The following GFRAL variants were observed in gnomAD, a reference collection of about 807,000 sequenced individuals.
The protein encoded by GFRAL is GDNF family receptor alpha like.
Under a neutral mutation model 45.4 loss-of-function variants are expected in GFRAL, and 36 were observed. The observed-to-expected ratio is 0.79, with a 90% confidence interval of 0.61 to 1.05. The LOEUF is 1.05. Among genes scored for constraint, GFRAL ranks in the 50% least tolerant of loss-of-function variants. The probability of loss-of-function intolerance (pLI) is 0.00; values close to 1 mark genes in which losing one functional copy is unlikely to be tolerated. For missense variants in GFRAL, 507 were observed against 467.5 expected (o/e 1.08, Z -0.78); for synonymous variants, 166 against 154.1 (o/e 1.08, Z -0.57).
At chr6:55,377,781 G>T (rs1225762699) in intron 6 of GFRAL, among the ~76,000 whole-genome samples, 1 of 151,970 alleles carries the variant, frequency 6.6e-6, no homozygotes, top group Non-Finnish European at 1.5e-5. Context: ...GATACTGAAA[G>T]ATCCAAAATT....
rs181036200 is a variant in GFRAL, at chr6:55,393,688, T to C, written c.953-5492T>C. Among the ~76,000 whole-genome samples, 21 of 152,156 alleles carry C rather than the reference T, an allele frequency of 1.4e-4. No individual in the cohort carries two copies. In the East Asian group the frequency reaches 3.9e-3, roughly 28 times the overall value. On this transcript the variant is annotated intron_variant, in intron 6 of 8. Transcript: ENST00000340465. ...GAGGCAAGGGGGGAGGAAAGAAGCC[T>C]CTTGGTGGCTGGAATGAAATGGGCA...
intron 6 of GFRAL, among the ~76,000 whole-genome samples, chr6:55,398,558 C>T (rs553452907): frequency 6.6e-6 from 1 of 152,274 alleles, no homozygotes; most frequent in South Asian, 2.1e-4. Context: ...AAAGATTGTC[C>T]TCACAGGGAA....
intron 5 of GFRAL, among the ~76,000 whole-genome samples, chr6:55,357,671 A>G (rs1014437685): frequency 2.6e-5 from 4 of 151,748 alleles, no homozygotes; most frequent in Admixed American, 1.3e-4. Flanking sequence ...GTCCATTTAC[A>G]TTTCAAATAA....
intron 3 of GFRAL, among the ~76,000 whole-genome samples, chr6:55,339,094 T>C (rs1767927646): frequency 6.6e-6 from 1 of 152,162 alleles, no homozygotes; most frequent in African/African-American, 2.4e-5. Context: ...TAATAAAATA[T>C]ATACTTAAGG....
At chr6:55,387,030 G>GA (rs1344893818) in intron 6 of GFRAL, among the ~76,000 whole-genome samples, 1 of 152,098 alleles carries the variant, frequency 6.6e-6, no homozygotes, top group Non-Finnish European at 1.5e-5. Context: ...TAAGGAAGGG[G>GA]AAAAATCCTT....
Position 55,347,786 on chromosome 6 carries a change from T to TGCTTCCATGGGTGATTCTTCTC in GFRAL, c.317-2305_317-2284dup, listed in dbSNP as rs1452259092. ...TATTACACTTTTCTATTTTTCTTCT[T>TGCTTCCATGGGTGATTCTTCTC]GCTTCCATGGGTGATTCTTCTCAGT... is the stretch of plus-strand genomic sequence containing the variant. On this transcript the variant is annotated intron_variant, in intron 3 of 8. Coordinates refer to ENST00000340465, the MANE Select transcript of GFRAL (RefSeq NM_207410.2). Among the ~76,000 whole-genome samples, 71 of 152,092 alleles carry TGCTTCCATGGGTGATTCTTCTC rather than the reference T, an allele frequency of 4.7e-4. 1 individual carries two copies. The highest frequency in any genetic ancestry group is 3.9e-4 in the Admixed American group (6 of 15,246).
intron 6 of GFRAL, among the ~76,000 whole-genome samples, chr6:55,378,071 C>A (rs1254929492): frequency 6.6e-6 from 1 of 151,962 alleles, no homozygotes; most frequent in Non-Finnish European, 1.5e-5. Flanking sequence ...TGGGGTGACC[C>A]CACTAGCCTT....
intron 6 of GFRAL, among the ~76,000 whole-genome samples, chr6:55,374,270 T>C (rs1393798672): frequency 6.6e-6 from 1 of 152,138 alleles, no homozygotes; most frequent in African/African-American, 2.4e-5. Flanking sequence ...TACCCAGTAG[T>C]GGGATTGCTG....
intron 6 of GFRAL, among the ~76,000 whole-genome samples, chr6:55,362,305 A>G (rs1299495487): frequency 2.6e-5 from 4 of 151,804 alleles, no homozygotes; most frequent in Non-Finnish European, 5.9e-5. Context: ...AACAAAACAA[A>G]ACAAAACAAA....
At chr6:55,380,478 A>G (rs910374665) in intron 6 of GFRAL, among the ~76,000 whole-genome samples, 1 of 151,986 alleles carries the variant, frequency 6.6e-6, no homozygotes, top group Non-Finnish European at 1.5e-5. Context: ...ATTCTAATTC[A>G]GTAGGCCTGG....
intron 5 of GFRAL, among the ~76,000 whole-genome samples, chr6:55,355,841 G>C (rs1768183908): frequency 6.6e-6 from 1 of 151,836 alleles, no homozygotes; most frequent in South Asian, 2.1e-4. Context: ...CATTTTATAT[G>C]ATACTAGCTA....
At chr6:55,338,398 A>G (rs1767918599) in intron 3 of GFRAL, among the ~76,000 whole-genome samples, 1 of 152,182 alleles carries the variant, frequency 6.6e-6, no homozygotes, top group Admixed American at 6.6e-5. Context: ...CCAGAAGGTT[A>G]TTTAATTTCC....
chr6:55,375,075 C>T (rs140602644), intron 6 of GFRAL, among the ~76,000 whole-genome samples: 86 of 152,122 alleles, frequency 5.7e-4, no homozygotes, highest in African/African-American at 1.9e-3. Context: ...CAGATTTGTT[C>T]CTTTTGCTTA....
intron 3 of GFRAL, among the ~76,000 whole-genome samples, chr6:55,334,794 G>A (rs1767871176): frequency 6.6e-6 from 1 of 152,054 alleles, no homozygotes; most frequent in Admixed American, 6.5e-5. Flanking sequence ...TATGCAACAT[G>A]TAGCCGTTTT....
rs146831471 is a variant in GFRAL, at chr6:55,396,288, T to C, written c.953-2892T>C. Among the ~76,000 whole-genome samples the C allele has an allele frequency of 3.1e-3, 476 of 152,314 alleles. 3 individuals are homozygous for C. The highest frequency in any genetic ancestry group is 9.7e-3 in the African/African-American group (402 of 41,574). On this transcript the variant is annotated intron_variant, in intron 6 of 8. Coordinates refer to ENST00000340465, the MANE Select transcript of GFRAL (RefSeq NM_207410.2). The stretch of plus-strand genomic sequence containing the variant: ...ATTATAACGTTGTTAATGAGTTCCA[T>C]GTGAGAGAAATTTAGTAAATGAGAT...
rs187814988 is a variant in GFRAL, at chr6:55,369,374, C to T, written c.952+10236C>T. Among the ~76,000 whole-genome samples, 5 of 152,290 alleles carry T rather than the reference C, an allele frequency of 3.3e-5. No homozygotes were observed. In the East Asian group the frequency reaches 9.7e-4, roughly 29 times the overall value. On this transcript the variant is annotated intron_variant, in intron 6 of 8. Transcript: ENST00000340465. Reference sequence around the variant, plus strand: ...CCCTAGTGAGATGAACCCGGTACCTCGGATGGAAATGCAGAAATCACCCAT... The same window carrying T: ...CCCTAGTGAGATGAACCCGGTACCTTGGATGGAAATGCAGAAATCACCCAT...
At position 55,333,820 on chromosome 6, in the gene GFRAL, A is replaced by G. The variant is rs1767859534; in HGVS notation, c.192A>G (p.Ser64=). Residue 64 remains serine (S), a synonymous_variant, in exon 3 of 9, where the codon TCA becomes TCG. Coordinates refer to ENST00000340465, the MANE Select transcript of GFRAL (RefSeq NM_207410.2). ...ACCCCTGCAAGATGAGGAATTCATC[A>G]TACTGTAACCTGAGTATCCAGTACT... ...PGDPCKMRNS[S]YCNLSIQYLV... is the part of the protein sequence containing the mutation. The G allele has an allele frequency of 1.2e-6, 2 of 1,605,142 alleles. No homozygotes were observed.
intron 6 of GFRAL, among the ~76,000 whole-genome samples, chr6:55,379,259 C>G (rs1291300500): frequency 6.6e-6 from 1 of 151,784 alleles, no homozygotes; most frequent in Non-Finnish European, 1.5e-5. Flanking sequence ...TATTTCATCA[C>G]CCAGGTATTA....
intron 3 of GFRAL, among the ~76,000 whole-genome samples, chr6:55,341,149 C>A (rs934575242): frequency 6.6e-6 from 1 of 152,154 alleles, no homozygotes; most frequent in Non-Finnish European, 1.5e-5. Context: ...CTTAAATGTC[C>A]CTGTTTGACA....
Sources: gnomAD v4.1 joint callset for allele counts (sites outside exome capture counted in the v4.1 genomes callset) on GRCh38, gnomAD v4.1.1 for gene constraint, MANE v1.5 for transcripts, NCBI Gene and HGNC (gene_info 2026-07-23, HGNC 2026-07-21) for gene names.